Variants in HAS1 observed in about 807,000 individuals in gnomAD.
HAS1 encodes hyaluronan synthase 1.
HAS1 carries 27 observed loss-of-function variants against 35.0 expected under a neutral mutation model. That is an observed-to-expected ratio of 0.77 (90% CI 0.57 to 1.06). HAS1 has a LOEUF of 1.06. HAS1 is among the 50% of genes least tolerant of loss of function. The pLI, the probability that HAS1 is intolerant of heterozygous loss-of-function variation, is 0.00. For missense variants in HAS1, 940 were observed against 814.8 expected (o/e 1.15, Z -1.87); for synonymous variants, 409 against 371.2 (o/e 1.10, Z -1.17).
chr19:51,719,143 G>A (rs1472097720), intron 2 of HAS1, 63 bp downstream of exon 2: 3 of 990,082 alleles, frequency 3.0e-6, no homozygotes, highest in Non-Finnish European at 4.5e-6. Flanking sequence ...TTGAAGGAAA[G>A]ACCCCAGGAA....
intron 1 of HAS1, among the ~76,000 whole-genome samples, chr19:51,720,419 A>G (rs1568628953): frequency 1.3e-5 from 2 of 152,096 alleles, no homozygotes; most frequent in African/African-American, 2.4e-5. Flanking sequence ...CCGGGCCCCA[A>G]AATTATTTTC....
intron 3 of HAS1, 123 bp from the exon 4 acceptor site, chr19:51,716,511 A>G (rs1457087505): frequency 1.3e-6 from 1 of 767,718 alleles, no homozygotes; most frequent in Admixed American, 2.8e-5. Context: ...CATAATCTCA[A>G]TCTCAGCACT....
rs966863884 is a variant in HAS1, at chr19:51,714,031, C to T, written c.1130G>A (p.Arg377His). The T allele has an allele frequency of 1.9e-6, 3 of 1,613,880 alleles. No homozygotes were observed. Among genetic ancestry groups the T allele is most frequent in the Non-Finnish European group, 1.7e-6 (2 of 1,179,938 alleles). ...SFLRWLSQQT[R>H]WSKSYFREWL... ...CTCACGGAAGTACGACTTGGACCAG[C>T]GTGTCTGCTGGCTCAGCCACCGCAG... The change falls in exon 5 of 5, where the codon CGC (arginine) becomes CAC (histidine). Residue 377 changes from arginine to histidine, a missense_variant. Transcript: ENST00000540069.
chr19:51,716,815 C>T (rs2083589559), intron 3 of HAS1, among the ~76,000 whole-genome samples, 153 bp downstream of exon 3: 1 of 152,084 alleles, frequency 6.6e-6, no homozygotes, highest in African/African-American at 2.4e-5. Flanking sequence ...GCCCAAGCAG[C>T]ATCCTCACCG....
At chr19:51,720,595 C>T (rs559171451) in intron 1 of HAS1, among the ~76,000 whole-genome samples, 2 of 152,012 alleles carry the variant, frequency 1.3e-5, no homozygotes, top group East Asian at 1.9e-4. Flanking sequence ...TAGGCTCTGG[C>T]GATTCTCTCA....
intron 1 of HAS1, among the ~76,000 whole-genome samples, chr19:51,720,757 C>T (rs1568629073): frequency 6.6e-6 from 1 of 152,280 alleles, no homozygotes; most frequent in South Asian, 2.1e-4. Flanking sequence ...CCAAGCCCAG[C>T]CTGATTTTGT....
At chr19:51,714,715 T>G (rs1226457052) in intron 4 of HAS1, among the ~76,000 whole-genome samples, 2 of 69,888 alleles carry the variant, frequency 2.9e-5, no homozygotes, top group East Asian at 1.4e-3. Context: ...AAAAAGGCTC[T>G]CATAAGACAA....
rs754658488 is a variant in HAS1 at position 51,713,817 on chromosome 19, C to G, written c.1344G>C (p.Ala448=). 3 of 1,606,152 alleles carry G rather than the reference C, an allele frequency of 1.9e-6. No homozygotes were observed. Among genetic ancestry groups the G allele is most frequent in the Non-Finnish European group, 2.5e-6 (3 of 1,177,856 alleles). ...QGVALAKAAF[A]AWLRGCLRMV... ...TGCGCAGGCAGCCCCGCAGCCAGGC[C>G]GCGAAGGCCGCCTTGGCCAGTGCCA... The change falls in exon 5 of 5, where the codon GCG becomes GCC. Residue 448 remains alanine (A), a synonymous_variant. Coordinates refer to ENST00000540069, the MANE Select transcript of HAS1 (RefSeq NM_001297436.2). This position sits in a 1 kb window ranked among gnomAD's most constrained non-coding sequence, Gnocchi z 4.5.
Position 51,716,342 on chromosome 19 carries a change from G to A in HAS1, c.972C>T (p.Tyr324=), listed in dbSNP as rs745349892. 26 of 1,613,628 alleles carry A rather than the reference G, an allele frequency of 1.6e-5. No homozygotes were observed. Among genetic ancestry groups the A allele is most frequent in the Non-Finnish European group, 2.1e-5 (25 of 1,179,614 alleles). Residue 324 remains tyrosine, a synonymous_variant, in exon 4 of 5, where the codon TAC becomes TAT. Transcript: ENST00000540069. ...AGTGGGTACCCAGGAACTTCTGGTT[G>A]TACCAGGCCTCAAGAAACTGCTGCA... The part of the protein sequence containing the change: ...NLLQQFLEAW[Y]NQKFLGTHCT...
At chr19:51,722,302 TG>T (rs2083636805) in intron 1 of HAS1, among the ~76,000 whole-genome samples, 1 of 152,252 alleles carries the variant, frequency 6.6e-6, no homozygotes, top group African/African-American at 2.4e-5. Context: ...TAAATATGTC[TG>T]GAACAAGTTG....
At chr19:51,714,523 TAAAAA>T (rs1192483861) in intron 4 of HAS1, among the ~76,000 whole-genome samples, 2 of 85,870 alleles carry the variant, frequency 2.3e-5, no homozygotes, top group Non-Finnish European at 2.2e-5. Context: ...ACCCCATCTC[TAAAAA>T]AAAAAAAAAA....
At chr19:51,723,563 C>T (rs2083645382) in intron 1 of HAS1, among the ~76,000 whole-genome samples, 2 of 152,278 alleles carry the variant, frequency 1.3e-5, no homozygotes, top group African/African-American at 4.8e-5. Context: ...CTCTCTTTCT[C>T]ACTCAGTCTC....
Position 51,713,465 on chromosome 19 carries a change from A to C in HAS1, c.1696T>G (p.Cys566Gly). Residue 566 changes from cysteine to glycine, a missense_variant, in exon 5 of 5, where the codon TGC (cysteine) becomes GGC (glycine). Cys to Gly is a radical substitution (Grantham distance 159). Transcript: ENST00000540069. The surrounding 1 kb of genome is among the most constrained non-coding windows in gnomAD (Gnocchi z 4.5). The part of the protein sequence containing the change: ...TLYWVGVRRL[C>G]RRRTGGYRVQ... ...CGGTAGCCCCCGGTCCGCCGCCGGC[A>C]AAGCCTCCGCACGCCCACCCAGTAC... The C allele has an allele frequency of 6.4e-7, 1 of 1,559,504 alleles. No homozygotes were observed. Among genetic ancestry groups the C allele is most frequent in the South Asian group, 1.2e-5 (1 of 85,178 alleles).
intron 2 of HAS1, 117 bp from the exon 3 acceptor site, chr19:51,717,310 T>G: frequency 1.5e-6 from 1 of 647,876 alleles, no homozygotes; most frequent in Admixed American, 2.8e-5. Flanking sequence ...CTGAACATAA[T>G]TTTGAGATTT....
rs146401017 is a variant in HAS1 at position 51,717,686 on chromosome 19, A to C, written c.700-493T>G. Among the ~76,000 whole-genome samples, 420 of 152,298 alleles carry C rather than the reference A, an allele frequency of 2.8e-3. 2 individuals are homozygous for C. Among genetic ancestry groups the C allele is most frequent in the African/African-American group, 9.4e-3 (392 of 41,570 alleles). On this transcript the variant is annotated intron_variant, in intron 2 of 4. Transcript: ENST00000540069. Reference sequence around the variant, plus strand: ...GAAGAGGCAAGCTACTGCTACCATGAGTTCTATGGCTGCAAGAAAGTGAAT... The same window carrying C: ...GAAGAGGCAAGCTACTGCTACCATGCGTTCTATGGCTGCAAGAAAGTGAAT...
At chr19:51,720,552 G>A (rs2122271635) in intron 1 of HAS1, among the ~76,000 whole-genome samples, 1 of 152,074 alleles carries the variant, frequency 6.6e-6, no homozygotes, top group Non-Finnish European at 1.5e-5. Context: ...GGGTGCAGTG[G>A]CACCATCATA....
At chr19:51,718,881 A>G (rs887741016) in intron 2 of HAS1, among the ~76,000 whole-genome samples, 1 of 152,206 alleles carries the variant, frequency 6.6e-6, no homozygotes, top group Non-Finnish European at 1.5e-5. Context: ...GAATCTCTAT[A>G]TTGAATGGAT....
In HAS1 at chr19:51,714,053, G is replaced by A. The variant is rs1473379062; in HGVS notation, c.1108C>T (p.Arg370Trp). The change falls in exon 5 of 5, where the codon CGG (arginine) becomes TGG (tryptophan). Residue 370 changes from arginine (R) to tryptophan (W), a missense_variant. Transcript: ENST00000540069. ...CYSETPSSFL[R>W]WLSQQTRWSK... ...CAGCGTGTCTGCTGGCTCAGCCACC[G>A]CAGGAAGGACGAGGGCGTCTCTGAG... 1 of 1,613,702 alleles carries A rather than the reference G, an allele frequency of 6.2e-7. No homozygotes were observed. The highest frequency in any genetic ancestry group is 8.5e-7 in the Non-Finnish European group (1 of 1,179,860).
In HAS1 at chr19:51,723,955, C is replaced by G. The variant is rs974648165; in HGVS notation, c.-22G>C. 117 of 1,538,478 alleles carry G rather than the reference C, an allele frequency of 7.6e-5. No individual in the cohort carries two copies. Among genetic ancestry groups the G allele is most frequent in the Admixed American group, 3.1e-4 (16 of 50,808 alleles). On this transcript the variant is annotated 5_prime_UTR_variant, in exon 1 of 5. Transcript: ENST00000540069. ...TCATCGCAGTGGGTCTGGCCGGGCT[C>G]TCTCTTCTCTCCGGCTTGCTCTCCC...
Sources: allele counts gnomAD v4.1 joint callset (sites outside exome capture counted in the v4.1 genomes callset), GRCh38; gene constraint gnomAD v4.1.1; non-coding constraint Gnocchi (gnomAD v3.1); transcripts MANE v1.5; gene names NCBI Gene and HGNC (gene_info 2026-07-23, HGNC 2026-07-21).